The following KAT6A variants were observed in gnomAD, a reference collection of about 807,000 sequenced individuals.
KAT6A encodes histone acetyltransferase KAT6A.
Under a neutral mutation model 198.4 loss-of-function variants are expected in KAT6A, and 9 were observed. The observed-to-expected ratio is 0.05, with a 90% CI of 0.03 to 0.08. The LOEUF (loss-of-function observed/expected upper bound fraction) is 0.08. KAT6A is among the 10% of genes least tolerant of loss of function. The pLI, the probability that KAT6A is intolerant of heterozygous loss-of-function variation, is 1.00. For synonymous variants in KAT6A, 890 were observed against 883.0 expected, an observed-to-expected ratio of 1.01 and a Z score of -0.14; for missense variants, 2,077 against 2,509.9, an observed-to-expected ratio of 0.83 and a Z score of 3.69.
At chr8:42,006,995 C>CA (rs10701182) in intron 2 of KAT6A, among the ~76,000 whole-genome samples, 40,029 of 87,992 alleles carry the variant, frequency 0.45, 9,127 homozygotes, top group African/African-American at 0.56. Context: ...GACTCCATCT[C>CA]AAAAAAAAAA....
chr8:41,937,312 G>A lies in KAT6A; in HGVS notation c.3296C>T (p.Ser1099Phe), dbSNP rs1253982798. The A allele has an allele frequency of 1.9e-6, 3 of 1,614,110 alleles. No homozygotes were observed. The highest frequency in any genetic ancestry group is 2.5e-6 in the Non-Finnish European group (3 of 1,179,978). Residue 1099 changes from serine (S) to phenylalanine (F), a missense_variant, in exon 16 of 17, where the codon TCT (serine) becomes TTT (phenylalanine). By Grantham distance (155) the Ser-to-Phe change is radical. Coordinates refer to ENST00000265713, the MANE Select transcript of KAT6A (RefSeq NM_006766.5). ...TTCATCTTTAGACTTCCTCTTAGAA[G>A]AGGACTGACACCTGAGTACATCCTG... ...SSQDVLRCQSSSKRKSKDEEE... is the reference protein window; with the variant it reads ...SSQDVLRCQSFSKRKSKDEEE...
intron 2 of KAT6A, among the ~76,000 whole-genome samples, chr8:42,004,456 C>G (rs527305647): frequency 6.6e-6 from 1 of 152,270 alleles, no homozygotes; most frequent in Non-Finnish European, 1.5e-5. Flanking sequence ...AAAGCTAATT[C>G]TTCCCTCTAA....
intron 2 of KAT6A, among the ~76,000 whole-genome samples, chr8:42,003,260 C>T (rs945363232): frequency 6.6e-6 from 1 of 152,136 alleles, no homozygotes; most frequent in Admixed American, 6.5e-5. Flanking sequence ...CAGAACTAGA[C>T]TTCCCATGCG....
intron 2 of KAT6A, among the ~76,000 whole-genome samples, chr8:42,040,335 C>A (rs985139373): frequency 6.6e-6 from 1 of 152,100 alleles, no homozygotes; most frequent in East Asian, 1.9e-4. Context: ...ATTTGTGGTA[C>A]CCGATGTCTT....
chr8:41,957,334 T>C (rs1822973862), intron 8 of KAT6A: 2 of 547,622 alleles, frequency 3.7e-6, no homozygotes, highest in Admixed American at 2.0e-5. Context: ...TGTTTCCTTT[T>C]ACGAAGATTT....
At position 41,934,209 on chromosome 8, in the gene KAT6A, C is replaced by A; in HGVS notation, c.4011G>T (p.Thr1337=). 6.2e-7 allele frequency: 1 copy of A among 1,614,166 alleles called. No individual in the cohort carries two copies. Among genetic ancestry groups the A allele is most frequent in the Middle Eastern group, 1.6e-4 (1 of 6,062 alleles). The change falls in exon 17 of 17, where the codon ACG becomes ACT. Residue 1337 remains threonine (T), a synonymous_variant. Transcript: ENST00000265713. The part of the protein sequence containing the change: ...TKKKELEEQP[T]REDVKEEPGV... ...CAGGCTCCTCCTTGACATCTTCCCT[C>A]GTGGGCTGTTCCTCTAGCTCCTTTT... is the stretch of plus-strand genomic sequence containing the variant.
Position 41,937,339 on chromosome 8 carries a change from G to A in KAT6A, c.3269C>T (p.Ser1090Leu), listed in dbSNP as rs776340579. 1.2e-5 allele frequency: 19 copies of A among 1,613,890 alleles called. No individual in the cohort carries two copies. In the South Asian group the frequency reaches 1.3e-4, roughly 11 times the overall value. ...FPREYFRRLS[S>L]QDVLRCQSSS... ...GGACTGACACCTGAGTACATCCTGCGAAGACAAACGACGGAAGTATTCTCT... is the reference window on the plus strand; with the variant it reads ...GGACTGACACCTGAGTACATCCTGCAAAGACAAACGACGGAAGTATTCTCT... The change falls in exon 16 of 17, where the codon TCG becomes TTG. Residue 1090 changes from serine (S) to leucine (L), a missense_variant. Ser to Leu is a moderately radical substitution (Grantham distance 145, BLOSUM62 -2). Transcript: ENST00000265713.
intron 2 of KAT6A, among the ~76,000 whole-genome samples, chr8:41,993,701 T>TA (rs1186950815): frequency 6.6e-6 from 1 of 152,188 alleles, no homozygotes; most frequent in African/African-American, 2.4e-5. Flanking sequence ...CAACAAATGG[T>TA]TTAAATAAAT....
chr8:42,040,735 C>CAAAAAAAAAAAAAAAAAAAAAAAAAAA (rs59959496), intron 2 of KAT6A, among the ~76,000 whole-genome samples: 1 of 54,670 alleles, frequency 1.8e-5, no homozygotes, highest in South Asian at 6.3e-4. Flanking sequence ...GACTCTGTCT[C>CAAAAAAAAAAAAAAAAAAAAAAAAAAA]AAAAAAAAAA....
chr8:41,937,994 T>G (rs887319359), intron 15 of KAT6A, among the ~76,000 whole-genome samples: 1 of 152,238 alleles, frequency 6.6e-6, no homozygotes, highest in African/African-American at 2.4e-5. Context: ...TAAAGTTGTA[T>G]GCCATTTTCA....
chr8:41,936,089 C>G (rs1355936772), intron 16 of KAT6A, among the ~76,000 whole-genome samples: 1 of 151,952 alleles, frequency 6.6e-6, no homozygotes, highest in Non-Finnish European at 1.5e-5. Flanking sequence ...TGGTGAAACC[C>G]CGTCTCTACT....
intron 2 of KAT6A, among the ~76,000 whole-genome samples, chr8:42,015,738 G>C (rs1346999693): frequency 6.6e-6 from 1 of 152,152 alleles, no homozygotes; most frequent in African/African-American, 2.4e-5. Context: ...TCATAATTTT[G>C]TAGTAACCAT....
intron 3 of KAT6A, 91 bp downstream of exon 3, chr8:41,987,364 C>T (rs1196255439): frequency 9.3e-6 from 7 of 750,036 alleles, no homozygotes; most frequent in Non-Finnish European, 1.7e-5. Flanking sequence ...GTATTAATCT[C>T]ATAAGGATCA....
At chr8:41,994,108 T>C (rs1046580130) in intron 2 of KAT6A, among the ~76,000 whole-genome samples, 4 of 152,228 alleles carry the variant, frequency 2.6e-5, no homozygotes, top group Non-Finnish European at 5.9e-5. Flanking sequence ...CTCAGACCTA[T>C]CCAAGCTTCT....
chr8:42,021,387 A>C (rs762772157), intron 2 of KAT6A, among the ~76,000 whole-genome samples: 8 of 152,244 alleles, frequency 5.3e-5, no homozygotes, highest in Non-Finnish European at 1.2e-4. Flanking sequence ...AAACAGGCTA[A>C]AAAACCACTG....
chr8:42,024,960 C>T (rs1315015555), intron 2 of KAT6A, among the ~76,000 whole-genome samples: 1 of 152,112 alleles, frequency 6.6e-6, no homozygotes, highest in East Asian at 1.9e-4. Context: ...TAGATAAACA[C>T]CTAATAGTGG....
intron 4 of KAT6A, among the ~76,000 whole-genome samples, chr8:41,981,393 T>C (rs149569264): frequency 1.6e-3 from 249 of 152,320 alleles, no homozygotes; most frequent in African/African-American, 5.6e-3. Context: ...ACTATGTAAA[T>C]AGAGTTAGCA....
rs2150932891 is a variant in KAT6A at position 42,048,724 on chromosome 8, G to A, written c.254C>T (p.Pro85Leu). The change falls in exon 2 of 17, where the codon CCT becomes CTT. Residue 85 changes from proline to leucine, a missense_variant. Pro to Leu is a moderately conservative substitution (Grantham distance 98, BLOSUM62 -3). Transcript: ENST00000265713. Reference protein sequence around the residue: ...DNPGRIALPKPRNHGKLDNKQ... With the variant: ...DNPGRIALPKLRNHGKLDNKQ... The stretch of plus-strand genomic sequence containing the variant: ...ATTATCCAATTTTCCATGGTTCCGA[G>A]GCTTAGGAAGTGCTATTCGCCCAGG... The A allele has an allele frequency of 6.2e-7, 1 of 1,614,148 alleles. No individual in the cohort carries two copies. Among genetic ancestry groups the A allele is most frequent in the South Asian group, 1.1e-5 (1 of 91,084 alleles).
intron 1 of KAT6A, among the ~76,000 whole-genome samples, chr8:42,051,236 T>A (rs1802614706): frequency 6.6e-6 from 1 of 151,872 alleles, no homozygotes; most frequent in Non-Finnish European, 1.5e-5. Context: ...GCCGCGAGGT[T>A]GACAGGCGCC....
Sources: allele counts gnomAD v4.1 joint callset (sites outside exome capture counted in the v4.1 genomes callset), GRCh38; gene constraint gnomAD v4.1.1; transcripts MANE v1.5; gene names NCBI Gene and HGNC (gene_info 2026-07-23, HGNC 2026-07-21).